Variants in HECW2 observed in about 807,000 individuals in gnomAD.
The protein encoded by HECW2 is HECT, C2 and WW domain containing E3 ubiquitin protein ligase 2, also known as E3 ubiquitin-protein ligase HECW2.
HECW2 carries 61 observed loss-of-function variants against 175.2 expected under a neutral mutation model. The observed-to-expected ratio is 0.35, with a 90% CI of 0.28 to 0.43. The LOEUF is 0.43. Ranked by LOEUF, HECW2 falls within the 20% of genes least tolerant of loss-of-function variation. The pLI is 1.00. For missense variants in HECW2, 1,524 were observed against 2,000.5 expected (o/e 0.76, Z 4.54); for synonymous variants, 671 against 731.0 (o/e 0.92, Z 1.32).
At chr2:196,324,498 T>C (rs1290387491) in intron 6 of HECW2, among the ~76,000 whole-genome samples, 1 of 152,130 alleles carries the variant, frequency 6.6e-6, no homozygotes, top group African/African-American at 2.4e-5. Flanking sequence ...TCATAAAACA[T>C]TTGCCAAAGC....
intron 2 of HECW2, among the ~76,000 whole-genome samples, chr2:196,373,085 C>A (rs1693951888): frequency 6.6e-6 from 1 of 152,186 alleles, no homozygotes; most frequent in Non-Finnish European, 1.5e-5. Context: ...TTATTCTTAA[C>A]AAGGAAGACT....
chr2:196,545,870 A>G lies in HECW2; in HGVS notation c.-36+47638T>C, dbSNP rs538754753. Among the ~76,000 whole-genome samples the G allele has an allele frequency of 6.6e-4, 100 of 152,352 alleles. 2 individuals are homozygous for G. The highest frequency in any genetic ancestry group is 1.9e-3 in the African/African-American group (81 of 41,578). ...ATTCTATGTTGCCCAAGAGAACTCA[A>G]TTCCTCCAAATTAAATGCAATGAAT... On this transcript the variant is annotated intron_variant, in intron 1 of 28. Transcript: ENST00000644978.
At chr2:196,240,651 C>T (rs1433814897) in intron 20 of HECW2, 89 bp from the exon 21 acceptor site, 2 of 1,198,600 alleles carry the variant, frequency 1.7e-6, no homozygotes, top group South Asian at 1.9e-5. Context: ...TTTCCATTTG[C>T]CACAATTAAC....
intron 2 of HECW2, among the ~76,000 whole-genome samples, chr2:196,368,190 T>C (rs12693788): frequency 0.33 from 49,979 of 151,814 alleles, 10,824 homozygotes; most frequent in African/African-American, 0.62. Flanking sequence ...TTTTAGGAAC[T>C]TCCAAACTGT....
At chr2:196,405,482 C>T (rs554409130) in intron 2 of HECW2, among the ~76,000 whole-genome samples, 1 of 152,268 alleles carries the variant, frequency 6.6e-6, no homozygotes, top group East Asian at 1.9e-4. Flanking sequence ...CTTTTCAATG[C>T]CACATCTACC....
intron 19 of HECW2, among the ~76,000 whole-genome samples, chr2:196,253,485 C>A (rs1261928290): frequency 2.0e-5 from 3 of 152,212 alleles, no homozygotes; most frequent in Non-Finnish European, 4.4e-5. Flanking sequence ...CATTTCTGTT[C>A]TATCTAATGC....
chr2:196,313,377 T>A lies in HECW2; in HGVS notation c.2434+3897A>T, dbSNP rs1691572136. Among the ~76,000 whole-genome samples, 2 of 152,118 alleles carry A rather than the reference T, an allele frequency of 1.3e-5. 1 individual carries two copies. Among genetic ancestry groups the A allele is most frequent in the Admixed American group, 1.3e-4 (2 of 15,262 alleles). On this transcript the variant is annotated intron_variant, in intron 10 of 28. Coordinates refer to ENST00000644978, the MANE Select transcript of HECW2 (RefSeq NM_001348768.2). Reference sequence around the variant, plus strand: ...CATCAGAATGAGAAGATACAGAAAATTCTTAAGGCATTCTGGGCATAATTG... The same window carrying A: ...CATCAGAATGAGAAGATACAGAAAAATCTTAAGGCATTCTGGGCATAATTG...
rs1478668807 is a variant in HECW2, at chr2:196,236,645, T to C, written c.3764+3804A>G. On this transcript the variant is annotated intron_variant, in intron 21 of 28. Transcript: ENST00000644978. ...TTTCTCAGGCTCCTCTGGTCTTTGA[T>C]GACCTTGGGAGTATTAAAGAGTACT... is the stretch of plus-strand genomic sequence containing the variant. Among the ~76,000 whole-genome samples the C allele has an allele frequency of 3.3e-5, 5 of 152,336 alleles. No homozygotes were observed. The East Asian group carries it at 9.6e-4, about 29-fold the overall frequency.
intron 1 of HECW2, among the ~76,000 whole-genome samples, chr2:196,528,948 AG>A (rs1315149529): frequency 6.6e-6 from 1 of 152,242 alleles, no homozygotes. Flanking sequence ...TTATCTGTGC[AG>A]GGAGTTGGGG....
intron 10 of HECW2, among the ~76,000 whole-genome samples, chr2:196,314,131 C>A (rs1457577692): frequency 6.6e-6 from 1 of 152,170 alleles, no homozygotes; most frequent in African/African-American, 2.4e-5. Context: ...AATACAGATG[C>A]TGAATAGAGC....
chr2:196,412,852 C>T (rs1192522018), intron 2 of HECW2, among the ~76,000 whole-genome samples: 2 of 152,256 alleles, frequency 1.3e-5, no homozygotes, highest in East Asian at 1.9e-4. Flanking sequence ...ATATGAAATC[C>T]TTTTACCCCA....
intron 2 of HECW2, among the ~76,000 whole-genome samples, chr2:196,404,195 T>C (rs1694897856): frequency 6.6e-6 from 1 of 152,202 alleles, no homozygotes; most frequent in South Asian, 2.1e-4. Flanking sequence ...AGGAGAAACA[T>C]GGCACTTGAG....
At chr2:196,381,534 T>C (rs566376347) in intron 2 of HECW2, among the ~76,000 whole-genome samples, 1 of 152,316 alleles carries the variant, frequency 6.6e-6, no homozygotes, top group African/African-American at 2.4e-5. Flanking sequence ...TTCCAGTCTA[T>C]TAATAGCCAG....
intron 15 of HECW2, among the ~76,000 whole-genome samples, chr2:196,275,502 C>A (rs1689912005): frequency 1.3e-5 from 2 of 151,982 alleles, no homozygotes; most frequent in Non-Finnish European, 2.9e-5. Flanking sequence ...ACCTATAATC[C>A]CAGCACTTTG....
intron 1 of HECW2, among the ~76,000 whole-genome samples, chr2:196,540,504 T>C (rs1689173797): frequency 6.6e-6 from 1 of 152,198 alleles, no homozygotes; most frequent in Non-Finnish European, 1.5e-5. Flanking sequence ...AGTGGCAAGA[T>C]CATAGCTCAC....
intron 17 of HECW2, among the ~76,000 whole-genome samples, chr2:196,259,609 T>A (rs1231575000): frequency 1.3e-5 from 2 of 152,158 alleles, no homozygotes; most frequent in African/African-American, 4.8e-5. Context: ...GGCATGTACG[T>A]AAAGGAGTTG....
intron 14 of HECW2, among the ~76,000 whole-genome samples, chr2:196,279,881 T>C (rs1369619848): frequency 1.3e-5 from 2 of 152,226 alleles, no homozygotes; most frequent in Non-Finnish European, 2.9e-5. Context: ...ATGTCTGTCA[T>C]GATCACTGCA....
intron 2 of HECW2, among the ~76,000 whole-genome samples, chr2:196,411,406 G>A (rs1695106476): frequency 6.6e-6 from 1 of 152,092 alleles, no homozygotes; most frequent in Non-Finnish European, 1.5e-5. Flanking sequence ...TCTGCTCAGA[G>A]GAATTAAACA....
chr2:196,491,073 C>T (rs2125387032), intron 1 of HECW2, among the ~76,000 whole-genome samples: 1 of 152,202 alleles, frequency 6.6e-6, no homozygotes, highest in Middle Eastern at 3.4e-3. Context: ...ACTACCAAAT[C>T]ACGCACTCAA....
Sources: gnomAD v4.1 joint callset for allele counts (sites outside exome capture counted in the v4.1 genomes callset) on GRCh38, gnomAD v4.1.1 for gene constraint, MANE v1.5 for transcripts, NCBI Gene and HGNC (gene_info 2026-07-23, HGNC 2026-07-21) for gene names.